STXBP4: variants seen among roughly 807,000 people sequenced by gnomAD.
STXBP4 encodes the protein syntaxin-binding protein 4.
In STXBP4, 55 loss-of-function variants were observed where a neutral mutation model predicts 76.1. That is an observed-to-expected ratio of 0.72 (90% CI 0.58 to 0.91). The LOEUF (loss-of-function observed/expected upper bound fraction) is 0.91, where lower values mean the gene tolerates loss of function less well. STXBP4 is among the 40% of genes least tolerant of loss of function. STXBP4 has a pLI of 0.00. For missense variants in STXBP4, 618 were observed against 636.9 expected, an observed-to-expected ratio of 0.97 and a Z score of 0.32; for synonymous variants, 201 against 220.2, an observed-to-expected ratio of 0.91 and a Z score of 0.77.
rs183493307 is a variant in STXBP4, at chr17:55,154,466, G to A, written c.1548-5331G>A. ...ACCAACTATACAATCCTATATAATT[G>A]TTTATTAGTATCTGATAATTCAGTG... On this transcript the variant is annotated intron_variant, in intron 17 of 17. Transcript: ENST00000376352. Among the ~76,000 whole-genome samples, 84 of 152,238 alleles carry A rather than the reference G, an allele frequency of 5.5e-4. 1 individual carries two copies. Among genetic ancestry groups the A allele is most frequent in the African/African-American group, 2.0e-3 (82 of 41,544 alleles).
chr17:55,199,949 C>G, the STXBP4 span, among the ~76,000 whole-genome samples: 1 of 152,240 alleles, frequency 6.6e-6, no homozygotes, highest in African/African-American at 2.4e-5. Flanking sequence ...AATACTTCCC[C>G]TATCCCCATT....
At chr17:55,060,668 C>G (rs780925033) in intron 12 of STXBP4, among the ~76,000 whole-genome samples, 1 of 152,120 alleles carries the variant, frequency 6.6e-6, no homozygotes, top group Admixed American at 6.6e-5. Flanking sequence ...CTGTACTGTT[C>G]TCTAAAACTC....
At chr17:55,031,412 A>G in intron 9 of STXBP4, 148 bp downstream of exon 9, 4 of 609,534 alleles carry the variant, frequency 6.6e-6, no homozygotes, top group Non-Finnish European at 8.2e-6. Flanking sequence ...CAGTACCCAA[A>G]GAACTCAGCT....
chr17:55,108,447 T>C (rs568720582), intron 16 of STXBP4, among the ~76,000 whole-genome samples: 3 of 152,158 alleles, frequency 2.0e-5, no homozygotes, highest in South Asian at 2.1e-4. Flanking sequence ...CCAGCTGCCA[T>C]TGGGGTGTGA....
At chr17:55,143,687 C>T (rs752526864) in intron 17 of STXBP4, among the ~76,000 whole-genome samples, 5 of 152,182 alleles carry the variant, frequency 3.3e-5, no homozygotes, top group Non-Finnish European at 7.3e-5. Context: ...TGGGAACCAA[C>T]TCAGTGTCTG....
At chr17:55,146,320 G>A (rs1376343928) in intron 17 of STXBP4, among the ~76,000 whole-genome samples, 1 of 152,142 alleles carries the variant, frequency 6.6e-6, no homozygotes, top group African/African-American at 2.4e-5. Flanking sequence ...AGAGCATCCT[G>A]AATCCAGGAG....
chr17:55,037,523 T>A (rs2144713446), intron 10 of STXBP4, among the ~76,000 whole-genome samples: 1 of 152,274 alleles, frequency 6.6e-6, no homozygotes, highest in African/African-American at 2.4e-5. Context: ...TGTGAGACTT[T>A]GACAGCAAAA....
intron 17 of STXBP4, among the ~76,000 whole-genome samples, chr17:55,158,744 G>A (rs2080307562): frequency 6.6e-6 from 1 of 152,092 alleles, no homozygotes. Flanking sequence ...ATCATGTTAG[G>A]CCCCACAAAT....
At chr17:55,109,624 CTTTTTTT>C (rs551292679) in intron 16 of STXBP4, among the ~76,000 whole-genome samples, 8 of 114,374 alleles carry the variant, frequency 7.0e-5, no homozygotes, top group Admixed American at 4.6e-4. Flanking sequence ...AACTCAATGT[CTTTTTTT>C]TTTTTTTTTT....
At chr17:55,043,693 T>A (rs2078742000) in intron 11 of STXBP4, 1 of 1,536,392 alleles carries the variant, frequency 6.5e-7, no homozygotes, top group African/African-American at 1.4e-5. Context: ...GGAAATACAT[T>A]TTTTTTCATG....
rs921205671 is a variant in STXBP4, at chr17:55,162,583, A to G, written c.*2672A>G. The G allele has an allele frequency of 6.8e-6, 1 of 147,712 alleles. No individual in the cohort carries two copies. Among genetic ancestry groups the G allele is most frequent in the Admixed American group, 6.7e-5 (1 of 14,860 alleles). 9.2% of individuals were successfully genotyped at this position (147,712 alleles called of 1,614,324 possible). On this transcript the variant is annotated 3_prime_UTR_variant, in exon 18 of 18. Coordinates refer to ENST00000376352, the MANE Select transcript of STXBP4 (RefSeq NM_178509.6). ...TTACTCTTGATTTAAAAAAAAAAAA[A>G]CAACAAAAGAGTTTGTGTGTGGCCA...
At position 55,039,320 on chromosome 17, in the gene STXBP4, C is replaced by T. The variant is rs1380814251; in HGVS notation, c.856-3916C>T. 5.4e-5 allele frequency among the ~76,000 whole-genome samples: 8 copies of T among 147,942 alleles called. No homozygotes were observed. In the East Asian group the frequency reaches 1.4e-3, roughly 26 times the overall value. On this transcript the variant is annotated intron_variant, in intron 10 of 17. Coordinates refer to ENST00000376352, the MANE Select transcript of STXBP4 (RefSeq NM_178509.6). The stretch of plus-strand genomic sequence containing the variant: ...ATTAGCATAAACAAAAAAATTAGAA[C>T]GTAATGCACACAGAGAGTAGTCTAC...
intron 16 of STXBP4, among the ~76,000 whole-genome samples, chr17:55,130,847 A>G (rs1275416522): frequency 6.6e-6 from 1 of 152,248 alleles, no homozygotes; most frequent in Non-Finnish European, 1.5e-5. Flanking sequence ...CCCAAATGAC[A>G]GAATCCTTTC....
In STXBP4 at chr17:54,985,711, G is replaced by GT. The variant is rs2077616445; in HGVS notation, c.-79+27dup. 6.6e-6 allele frequency: 1 copy of GT among 152,366 alleles called. No individual in the cohort carries two copies. The highest frequency in any genetic ancestry group is 6.5e-5 in the Admixed American group (1 of 15,276). The allele number at this position is 152,366 out of a possible 1,614,324, so 9.4% of individuals were successfully genotyped here. On this transcript the variant is annotated intron_variant, in intron 2 of 17. Coordinates refer to ENST00000376352, the MANE Select transcript of STXBP4 (RefSeq NM_178509.6). ...TAGTTGGTAAGATAATAAGAATTTA[G>GT]TTTTTTTCAAATGCATTGCATAATT...
chr17:55,077,461 A>G lies in STXBP4; in HGVS notation c.1189-617A>G, dbSNP rs910208599. 1.2e-4 allele frequency among the ~76,000 whole-genome samples: 19 copies of G among 152,298 alleles called. No individual in the cohort carries two copies. The South Asian group carries it at 1.7e-3, about 13-fold the overall frequency. On this transcript the variant is annotated intron_variant, in intron 13 of 17. Transcript: ENST00000376352. ...AAGTCACCTGAGCCAACATCAAAAC[A>G]CTGTTTACCTCTGTGAAGTTTACTT...
At chr17:54,984,516 T>G (rs1035382580) in intron 1 of STXBP4, among the ~76,000 whole-genome samples, 1 of 151,852 alleles carries the variant, frequency 6.6e-6, no homozygotes, top group African/African-American at 2.4e-5. Context: ...TAATTTTTTT[T>G]GTATTTTTAG....
rs1555596546 is a variant in STXBP4, at chr17:55,168,215, G to GTGTA, written c.*8305_*8306insGTAT. On this transcript the variant is annotated 3_prime_UTR_variant, in exon 18 of 18. Coordinates refer to ENST00000376352, the MANE Select transcript of STXBP4 (RefSeq NM_178509.6). Reference sequence around the variant, plus strand: ...TTAGTATATGTGTGTGTGTGTGTGTGTATATATATATATCTGTGTGTATAT... The same window carrying GTGTA: ...TTAGTATATGTGTGTGTGTGTGTGTGTGTATATATATATATATCTGTGTGTATAT... 2 of 147,648 alleles carry GTGTA rather than the reference G, an allele frequency of 1.4e-5. No homozygotes were observed. Among genetic ancestry groups the GTGTA allele is most frequent in the Non-Finnish European group, 3.0e-5 (2 of 66,808 alleles). The allele number at this position is 147,648 out of a possible 1,614,324, so 9.1% of individuals were successfully genotyped here.
intron 13 of STXBP4, among the ~76,000 whole-genome samples, chr17:55,074,314 G>A (rs1046160107): frequency 1.3e-5 from 2 of 152,112 alleles, no homozygotes; most frequent in African/African-American, 2.4e-5. Flanking sequence ...CCACAAGAAG[G>A]CTGAAGTTCC....
Position 55,133,607 on chromosome 17 carries a change from T to C in STXBP4, c.1490-7703T>C, listed in dbSNP as rs186949774. ...ACCAAGCCTTGGAGCAGTCCAACTT[T>C]TAGAGACTGGGGAGATGAGAAGATA... is the stretch of plus-strand genomic sequence containing the variant. On this transcript the variant is annotated intron_variant, in intron 16 of 17. Coordinates refer to ENST00000376352, the MANE Select transcript of STXBP4 (RefSeq NM_178509.6). Among the ~76,000 whole-genome samples the C allele has an allele frequency of 3.7e-4, 57 of 152,180 alleles. 1 individual carries two copies. In the East Asian group the frequency reaches 5.2e-3, roughly 14 times the overall value.
Sources: gnomAD v4.1 joint callset for allele counts (sites outside exome capture counted in the v4.1 genomes callset) on GRCh38, gnomAD v4.1.1 for gene constraint, MANE v1.5 for transcripts, NCBI Gene and HGNC (gene_info 2026-07-23, HGNC 2026-07-21) for gene names.